The following PPM1E variants were observed in gnomAD, a reference collection of about 807,000 sequenced individuals.
PPM1E encodes protein phosphatase, Mg2+/Mn2+ dependent 1E, also known as protein phosphatase 1E.
Under a neutral mutation model 65.9 loss-of-function variants are expected in PPM1E, and 20 were observed. That is an observed-to-expected ratio of 0.30 (90% CI 0.21 to 0.44). The LOEUF is 0.44. PPM1E is among the 20% of genes least tolerant of loss of function. The pLI is 1.00. For missense variants in PPM1E, 713 were observed against 953.1 expected (o/e 0.75, Z 3.32); for synonymous variants, 352 against 374.9 (o/e 0.94, Z 0.70).
At chr17:58,901,463 C>T (rs2051497732) in intron 1 of PPM1E, among the ~76,000 whole-genome samples, 1 of 151,624 alleles carries the variant, frequency 6.6e-6, no homozygotes, top group South Asian at 2.1e-4. Flanking sequence ...CACCTGAGGT[C>T]AGGAGTTCGA....
In PPM1E at chr17:58,925,239, A is replaced by G. The variant is rs555119243; in HGVS notation, c.465-30410A>G. Among the ~76,000 whole-genome samples, 1,046 of 151,832 alleles carry G rather than the reference A, an allele frequency of 6.9e-3. 14 individuals are homozygous for G. Among genetic ancestry groups the G allele is most frequent in the African/African-American group, 0.023 (972 of 41,376 alleles). On this transcript the variant is annotated intron_variant, in intron 1 of 6. Transcript: ENST00000308249. Reference sequence around the variant, plus strand: ...TTTCTCCACAGCCTTGCCAGCATCTATTGTTTCTTGACTTTTTAATAATTG... The same window carrying G: ...TTTCTCCACAGCCTTGCCAGCATCTGTTGTTTCTTGACTTTTTAATAATTG...
intron 1 of PPM1E, among the ~76,000 whole-genome samples, chr17:58,848,544 T>C (rs2050793994): frequency 2.0e-5 from 3 of 152,238 alleles, no homozygotes; most frequent in African/African-American, 4.8e-5. Context: ...GTGGTTTTTG[T>C]CTTTGGTTCT....
At chr17:58,843,477 G>A (rs188032175) in intron 1 of PPM1E, among the ~76,000 whole-genome samples, 13 of 152,008 alleles carry the variant, frequency 8.6e-5, no homozygotes, top group South Asian at 2.1e-4. Context: ...CGGAGATCGC[G>A]CCACTTAGCC....
At chr17:58,931,427 G>A (rs1373324041) in intron 1 of PPM1E, among the ~76,000 whole-genome samples, 1 of 151,842 alleles carries the variant, frequency 6.6e-6, no homozygotes, top group Admixed American at 6.6e-5. Flanking sequence ...AGGGAGAGAA[G>A]GAGGGAGGAA....
chr17:58,883,732 G>A (rs975521124), intron 1 of PPM1E, among the ~76,000 whole-genome samples: 3 of 151,360 alleles, frequency 2.0e-5, no homozygotes, highest in South Asian at 2.1e-4. Flanking sequence ...TGATCCGCCC[G>A]CCTCGGCCTC....
chr17:58,874,349 A>G (rs1324803522), intron 1 of PPM1E, among the ~76,000 whole-genome samples: 2 of 152,156 alleles, frequency 1.3e-5, no homozygotes, highest in Non-Finnish European at 2.9e-5. Flanking sequence ...TTCTATCTTC[A>G]TGTATGGTCT....
intron 1 of PPM1E, among the ~76,000 whole-genome samples, chr17:58,807,314 C>T (rs2050325508): frequency 6.6e-6 from 1 of 151,958 alleles, no homozygotes. Flanking sequence ...TTGTATATTA[C>T]TATTGTGTAT....
At chr17:58,772,234 G>C (rs1222702095) in intron 1 of PPM1E, among the ~76,000 whole-genome samples, 1 of 152,102 alleles carries the variant, frequency 6.6e-6, no homozygotes, top group African/African-American at 2.4e-5. Flanking sequence ...CAAGGCAGGG[G>C]ATCACAAGGT....
intron 1 of PPM1E, among the ~76,000 whole-genome samples, chr17:58,916,978 G>A (rs1272362826): frequency 1.3e-5 from 2 of 152,160 alleles, no homozygotes; most frequent in East Asian, 3.8e-4. Context: ...GGGAGGCCAA[G>A]GCAGGTGGAT....
chr17:58,900,142 A>G (rs984095979), intron 1 of PPM1E, among the ~76,000 whole-genome samples: 2 of 151,714 alleles, frequency 1.3e-5, no homozygotes, highest in Non-Finnish European at 2.9e-5. Flanking sequence ...TGAAGTAATA[A>G]CAAAGGATTT....
chr17:58,897,010 T>C (rs770737069), intron 1 of PPM1E, among the ~76,000 whole-genome samples: 3 of 152,146 alleles, frequency 2.0e-5, no homozygotes, highest in Non-Finnish European at 4.4e-5. Flanking sequence ...TTGTGCTCTG[T>C]AAATGGAACT....
chr17:58,978,746 T>C (rs150645089), intron 6 of PPM1E, among the ~76,000 whole-genome samples: 24 of 152,280 alleles, frequency 1.6e-4, no homozygotes, highest in African/African-American at 5.5e-4. Flanking sequence ...GTTGTAGTCA[T>C]AAGCTATTTG....
At chr17:58,954,671 A>G (rs1227237294) in intron 1 of PPM1E, among the ~76,000 whole-genome samples, 1 of 152,058 alleles carries the variant, frequency 6.6e-6, no homozygotes, top group African/African-American at 2.4e-5. Flanking sequence ...TGAGGTCAGG[A>G]GTTTGAGATC....
At chr17:58,760,819 A>G (rs567087340) in intron 1 of PPM1E, among the ~76,000 whole-genome samples, 67 of 152,342 alleles carry the variant, frequency 4.4e-4, no homozygotes, top group African/African-American at 1.6e-3. Flanking sequence ...GTAATGCACT[A>G]GAAAAACTCA....
intron 2 of PPM1E, among the ~76,000 whole-genome samples, chr17:58,963,002 T>C (rs2030084463): frequency 6.6e-6 from 1 of 152,032 alleles, no homozygotes; most frequent in Non-Finnish European, 1.5e-5. Context: ...AGCAGAAGGA[T>C]TGCTTGACCC....
chr17:58,950,014 C>G (rs557770408), intron 1 of PPM1E, among the ~76,000 whole-genome samples: 2 of 152,250 alleles, frequency 1.3e-5, no homozygotes, highest in East Asian at 3.9e-4. Context: ...TGACTTGATG[C>G]TTTTCTTTTG....
intron 1 of PPM1E, among the ~76,000 whole-genome samples, chr17:58,838,385 C>G (rs1309072784): frequency 2.0e-5 from 3 of 152,130 alleles, no homozygotes; most frequent in Non-Finnish European, 4.4e-5. Flanking sequence ...TGAACAGACA[C>G]CTCAATAAAG....
chr17:58,805,421 C>T (rs893111747), intron 1 of PPM1E, among the ~76,000 whole-genome samples: 1 of 151,856 alleles, frequency 6.6e-6, no homozygotes, highest in African/African-American at 2.4e-5. Flanking sequence ...TGGCTAATTT[C>T]GTATTTTTAG....
intron 1 of PPM1E, among the ~76,000 whole-genome samples, chr17:58,824,490 T>G (rs1239826864): frequency 6.6e-6 from 1 of 152,168 alleles, no homozygotes; most frequent in Non-Finnish European, 1.5e-5. Context: ...ATGGAATCAA[T>G]CACTTTGAAA....
Sources: gnomAD v4.1 joint callset for allele counts (sites outside exome capture counted in the v4.1 genomes callset) on GRCh38, gnomAD v4.1.1 for gene constraint, MANE v1.5 for transcripts, NCBI Gene and HGNC (gene_info 2026-07-23, HGNC 2026-07-21) for gene names.